The following PKIB variants were observed in gnomAD, a reference collection of about 807,000 sequenced individuals.
PKIB encodes the protein cAMP-dependent protein kinase inhibitor beta.
In PKIB, 2 loss-of-function variants were observed where a neutral mutation model predicts 4.5. That is an observed-to-expected ratio of 0.44 (90% CI 0.18 to 1.39). PKIB has a LOEUF of 1.39. Among genes scored for constraint, PKIB ranks in the 40% most tolerant of loss-of-function variants. The pLI, the probability that PKIB is intolerant of heterozygous loss-of-function variation, is 0.27. For synonymous variants in PKIB, 38 were observed against 36.0 expected, an observed-to-expected ratio of 1.06 and a Z score of -0.20; for missense variants, 94 against 92.6, an observed-to-expected ratio of 1.02 and a Z score of -0.06.
intron 3 of PKIB, among the ~76,000 whole-genome samples, chr6:122,591,529 A>G (rs1187805911): frequency 6.6e-6 from 1 of 152,062 alleles, no homozygotes; most frequent in Admixed American, 6.6e-5. Context: ...GTTTTCATTC[A>G]TTTAGCCAAT....
intron 3 of PKIB, among the ~76,000 whole-genome samples, chr6:122,698,021 T>C (rs1328475062): frequency 6.6e-6 from 1 of 152,046 alleles, no homozygotes; most frequent in African/African-American, 2.4e-5. Context: ...ACATATGAGG[T>C]GAAATGGCCA....
At chr6:122,637,754 C>CA (rs35786177) in intron 2 of PKIB, among the ~76,000 whole-genome samples, 1,516 of 118,122 alleles carry the variant, frequency 0.013, 13 homozygotes, top group Non-Finnish European at 0.019. Flanking sequence ...GACTCCGTCT[C>CA]AAAAAAAAAA....
intron 2 of PKIB, among the ~76,000 whole-genome samples, chr6:122,546,745 C>A (rs565269460): frequency 2.9e-4 from 44 of 151,878 alleles, no homozygotes; most frequent in African/African-American, 9.7e-4. Flanking sequence ...CTTGAGTAGA[C>A]AAATATTATT....
At chr6:122,520,069 G>A (rs1030894327) in intron 2 of PKIB, among the ~76,000 whole-genome samples, 1 of 152,128 alleles carries the variant, frequency 6.6e-6, no homozygotes, top group Non-Finnish European at 1.5e-5. Context: ...TTGAGACTGA[G>A]TTCAGGCATC....
intron 2 of PKIB, among the ~76,000 whole-genome samples, chr6:122,488,151 C>T (rs1775823567): frequency 1.3e-5 from 2 of 151,968 alleles, no homozygotes. Flanking sequence ...CTCATTTCAT[C>T]ATTCTTTCTA....
At chr6:122,512,894 AT>A (rs978404080) in intron 2 of PKIB, among the ~76,000 whole-genome samples, 2 of 152,172 alleles carry the variant, frequency 1.3e-5, no homozygotes, top group Admixed American at 6.5e-5. Context: ...ACCATTTTTA[AT>A]GTTTATAATT....
At chr6:122,591,403 C>A (rs1341823433) in intron 3 of PKIB, among the ~76,000 whole-genome samples, 1 of 152,024 alleles carries the variant, frequency 6.6e-6, no homozygotes, top group Non-Finnish European at 1.5e-5. Flanking sequence ...TGCATAACAC[C>A]CCATAGATTT....
chr6:122,558,819 G>A lies in PKIB; in HGVS notation c.-247-27102G>A, dbSNP rs143510169. ...TGGTTACATGAGTAAGTTCTTTAGC[G>A]GTGATTTGTGAGATTTTGGTGCACC... On this transcript the variant is annotated intron_variant, in intron 2 of 6. Coordinates refer to the PKIB transcript ENST00000392491. Among the ~76,000 whole-genome samples, 1,423 of 151,986 alleles carry A rather than the reference G, an allele frequency of 9.4e-3. 27 individuals are homozygous for A. Among genetic ancestry groups the A allele is most frequent in the African/African-American group, 0.031 (1,295 of 41,452 alleles).
At chr6:122,684,398 G>A (rs1293472930) in intron 3 of PKIB, among the ~76,000 whole-genome samples, 1 of 151,934 alleles carries the variant, frequency 6.6e-6, no homozygotes, top group Non-Finnish European at 1.5e-5. Flanking sequence ...TTTCCCCTAA[G>A]CACAATAAAG....
intron 2 of PKIB, among the ~76,000 whole-genome samples, chr6:122,500,097 C>G (rs1776185383): frequency 6.6e-6 from 1 of 152,114 alleles, no homozygotes; most frequent in African/African-American, 2.4e-5. Context: ...TTGGAAGAAT[C>G]ATATTATTAA....
intron 3 of PKIB, among the ~76,000 whole-genome samples, chr6:122,707,160 T>C (rs1326115394): frequency 1.3e-5 from 2 of 152,102 alleles, no homozygotes; most frequent in Admixed American, 6.5e-5. Flanking sequence ...TTCAATTAGA[T>C]GATTTTTCTT....
At chr6:122,513,616 C>T (rs1035815231) in intron 2 of PKIB, among the ~76,000 whole-genome samples, 3 of 152,060 alleles carry the variant, frequency 2.0e-5, no homozygotes, top group Admixed American at 6.5e-5. Context: ...TTTTTCACCC[C>T]GTGGGCTTCT....
intron 2 of PKIB, among the ~76,000 whole-genome samples, chr6:122,574,763 G>A (rs1338540812): frequency 3.9e-5 from 6 of 152,068 alleles, no homozygotes; most frequent in Non-Finnish European, 7.4e-5. Flanking sequence ...ATCAATCAAA[G>A]ACTTAAATCT....
chr6:122,651,164 A>C (rs370500581), intron 2 of PKIB, among the ~76,000 whole-genome samples: 2 of 152,174 alleles, frequency 1.3e-5, no homozygotes, highest in African/African-American at 4.8e-5. Context: ...ACTAATCCCT[A>C]TAATCCCTCT....
intron 2 of PKIB, among the ~76,000 whole-genome samples, chr6:122,659,879 GA>G (rs944317727): frequency 3.3e-5 from 5 of 150,922 alleles, no homozygotes; most frequent in Admixed American, 1.3e-4. Context: ...GAAAAAAATG[GA>G]AAAAAAACAA....
intron 2 of PKIB, among the ~76,000 whole-genome samples, chr6:122,536,919 C>CTTTT (rs1777421824): frequency 7.1e-6 from 1 of 140,240 alleles, no homozygotes; most frequent in African/African-American, 2.6e-5. Context: ...TTTTTTTAAC[C>CTTTT]AACGAACCTC....
chr6:122,546,778 ATGAAT>A (rs1298100831), intron 2 of PKIB, among the ~76,000 whole-genome samples: 1 of 152,120 alleles, frequency 6.6e-6, no homozygotes, highest in Non-Finnish European at 1.5e-5. Context: ...TATGAAATTA[ATGAAT>A]TGAATGCTAA....
At chr6:122,695,807 G>A (rs1370790824) in intron 3 of PKIB, among the ~76,000 whole-genome samples, 1 of 152,078 alleles carries the variant, frequency 6.6e-6, no homozygotes, top group Non-Finnish European at 1.5e-5. Context: ...ATATCTAAAA[G>A]ACTCTATTTC....
chr6:122,550,579 C>T (rs1471940184), intron 2 of PKIB, among the ~76,000 whole-genome samples: 1 of 152,004 alleles, frequency 6.6e-6, no homozygotes, highest in South Asian at 2.1e-4. Context: ...CCATTTTCAC[C>T]AATATCATTC....
Sources: allele counts gnomAD v4.1 joint callset (sites outside exome capture counted in the v4.1 genomes callset), GRCh38; gene constraint gnomAD v4.1.1; transcripts MANE v1.5; gene names NCBI Gene and HGNC (gene_info 2026-07-23, HGNC 2026-07-21).